Variants in LHFPL2 observed in about 807,000 individuals in gnomAD.
The protein encoded by LHFPL2 is LHFPL tetraspan subfamily member 2 protein.
A neutral mutation model predicts 17.5 loss-of-function variants in LHFPL2; 7 were observed. The observed-to-expected ratio is 0.40, with a 90% CI of 0.23 to 0.75. LHFPL2 has a LOEUF of 0.75. LHFPL2 is among the 30% of genes least tolerant of loss of function. The pLI, the probability that LHFPL2 is intolerant of heterozygous loss-of-function variation, is 0.37. For synonymous variants in LHFPL2, 134 were observed against 116.2 expected, an observed-to-expected ratio of 1.15 and a Z score of -0.99; for missense variants, 241 against 294.8, an observed-to-expected ratio of 0.82 and a Z score of 1.34.
At chr5:78,629,845 G>C (rs1433149676) in intron 2 of LHFPL2, among the ~76,000 whole-genome samples, 1 of 152,162 alleles carries the variant, frequency 6.6e-6, no homozygotes, top group Non-Finnish European at 1.5e-5. Context: ...TATAAAAGCA[G>C]CTGTATTAAA....
At chr5:78,580,110 C>G (rs1743056039) in intron 2 of LHFPL2, among the ~76,000 whole-genome samples, 1 of 152,144 alleles carries the variant, frequency 6.6e-6, no homozygotes, top group Admixed American at 6.5e-5. Context: ...TGATGGTGAG[C>G]ATTTTTTCAT....
In LHFPL2 at chr5:78,585,307, T is replaced by A. The variant is rs1367365998; in HGVS notation, c.-244-20436A>T. Among the ~76,000 whole-genome samples, 2 of 137,010 alleles carry A rather than the reference T, an allele frequency of 1.5e-5. 1 individual carries two copies. Among genetic ancestry groups the A allele is most frequent in the Non-Finnish European group, 3.3e-5 (2 of 60,130 alleles). The allele number at this position is 137,010 out of a possible 152,430, so 89.9% of individuals were successfully genotyped here. On this transcript the variant is annotated intron_variant, in intron 2 of 4. Coordinates refer to ENST00000380345, the MANE Select transcript of LHFPL2 (RefSeq NM_005779.3). Reference sequence around the variant, plus strand: ...CAGGCGTGAGCCACCGCGCCCGGCCTGGTGCGCTGTTTTTTAAGCCCGTTG... The same window carrying A: ...CAGGCGTGAGCCACCGCGCCCGGCCAGGTGCGCTGTTTTTTAAGCCCGTTG...
intron 2 of LHFPL2, among the ~76,000 whole-genome samples, chr5:78,573,596 C>T (rs528655708): frequency 6.6e-6 from 1 of 152,340 alleles, no homozygotes; most frequent in African/African-American, 2.4e-5. Flanking sequence ...CTGTAAGTTT[C>T]ACTGGTTAGG....
At chr5:78,490,471 G>T (rs907224423) in intron 4 of LHFPL2, among the ~76,000 whole-genome samples, 3 of 152,078 alleles carry the variant, frequency 2.0e-5, no homozygotes, top group Non-Finnish European at 4.4e-5. Context: ...ATCTTCTTTA[G>T]GCCAGGTGCA....
At chr5:78,607,866 G>A (rs1254523578) in intron 2 of LHFPL2, among the ~76,000 whole-genome samples, 1 of 152,114 alleles carries the variant, frequency 6.6e-6, no homozygotes, top group Admixed American at 6.5e-5. Flanking sequence ...TCTATCTTTG[G>A]TAGATCTATG....
chr5:78,619,416 T>G (rs980565619), intron 2 of LHFPL2, among the ~76,000 whole-genome samples: 1 of 152,064 alleles, frequency 6.6e-6, no homozygotes, highest in Non-Finnish European at 1.5e-5. Flanking sequence ...GCAAATCTAA[T>G]GCTTTCATCA....
At chr5:78,580,685 G>A (rs1009451979) in intron 2 of LHFPL2, among the ~76,000 whole-genome samples, 1 of 152,154 alleles carries the variant, frequency 6.6e-6, no homozygotes, top group African/African-American at 2.4e-5. Context: ...TGAGGGCTCT[G>A]TTCTGTTCCA....
At chr5:78,608,959 A>G (rs1188721365) in intron 2 of LHFPL2, among the ~76,000 whole-genome samples, 1 of 152,048 alleles carries the variant, frequency 6.6e-6, no homozygotes, top group African/African-American at 2.4e-5. Flanking sequence ...ACATTAGAGA[A>G]TAACATTAAA....
chr5:78,557,548 T>C (rs1756611381), intron 3 of LHFPL2, among the ~76,000 whole-genome samples: 1 of 152,208 alleles, frequency 6.6e-6, no homozygotes, highest in African/African-American at 2.4e-5. Flanking sequence ...GGAGACCAGC[T>C]CTTTCAGACC....
At chr5:78,518,874 T>G (rs112606210) in intron 3 of LHFPL2, among the ~76,000 whole-genome samples, 2 of 152,184 alleles carry the variant, frequency 1.3e-5, no homozygotes, top group Admixed American at 1.3e-4. Context: ...TAAACAGAGA[T>G]AAAGTTCAGC....
At chr5:78,540,792 T>A (rs1315983254) in intron 3 of LHFPL2, among the ~76,000 whole-genome samples, 1 of 152,234 alleles carries the variant, frequency 6.6e-6, no homozygotes, top group Non-Finnish European at 1.5e-5. Context: ...AGCGGCTCTC[T>A]GGGGCTGGTT....
chr5:78,506,374 T>G (rs1299486081), intron 4 of LHFPL2, among the ~76,000 whole-genome samples: 3 of 152,246 alleles, frequency 2.0e-5, no homozygotes, highest in Non-Finnish European at 1.5e-5. Flanking sequence ...AGTGTATTTC[T>G]AAAGAATCCT....
chr5:78,580,873 A>G (rs558828663), intron 2 of LHFPL2, among the ~76,000 whole-genome samples: 95 of 152,218 alleles, frequency 6.2e-4, no homozygotes, highest in Non-Finnish European at 7.9e-4. Context: ...GTTTTTTCCA[A>G]TTCTGTGAAG....
At chr5:78,569,483 C>A (rs565323690) in intron 2 of LHFPL2, among the ~76,000 whole-genome samples, 1 of 151,660 alleles carries the variant, frequency 6.6e-6, no homozygotes, top group African/African-American at 2.4e-5. Flanking sequence ...GCTGGTGTAA[C>A]TTTTTTTTTA....
chr5:78,521,363 C>T (rs1241047325), intron 3 of LHFPL2, among the ~76,000 whole-genome samples: 1 of 152,120 alleles, frequency 6.6e-6, no homozygotes, highest in Non-Finnish European at 1.5e-5. Context: ...TATTAATGAT[C>T]TAATAAAATG....
intron 3 of LHFPL2, among the ~76,000 whole-genome samples, chr5:78,542,870 G>A (rs1465482082): frequency 6.6e-6 from 1 of 152,186 alleles, no homozygotes; most frequent in East Asian, 1.9e-4. Flanking sequence ...CTCCTTAAGT[G>A]CCAATGGTGA....
chr5:78,498,122 GT>G (rs1224422855), intron 4 of LHFPL2, among the ~76,000 whole-genome samples: 1 of 152,176 alleles, frequency 6.6e-6, no homozygotes, highest in East Asian at 1.9e-4. Context: ...AAGAGGCAGG[GT>G]GGTAAATATT....
At chr5:78,636,784 A>C (rs1056726523) in intron 1 of LHFPL2, among the ~76,000 whole-genome samples, 1 of 152,172 alleles carries the variant, frequency 6.6e-6, no homozygotes, top group Non-Finnish European at 1.5e-5. Context: ...AACCTTCCTA[A>C]AAATAAAGGC....
chr5:78,645,977 G>A (rs956570317), intron 1 of LHFPL2, among the ~76,000 whole-genome samples: 1 of 152,180 alleles, frequency 6.6e-6, no homozygotes, highest in African/African-American at 2.4e-5. Context: ...TGGGTAAAAT[G>A]TTGCTTTTAA....
Sources: allele counts gnomAD v4.1 joint callset (sites outside exome capture counted in the v4.1 genomes callset), GRCh38; gene constraint gnomAD v4.1.1; transcripts MANE v1.5; gene names NCBI Gene and HGNC (gene_info 2026-07-23, HGNC 2026-07-21).